Variants in TMTC2 observed in about 807,000 individuals in gnomAD.
TMTC2 encodes transmembrane O-mannosyltransferase targeting cadherins 2.
Under a neutral mutation model 82.4 loss-of-function variants are expected in TMTC2, and 43 were observed. The ratio of observed to expected loss-of-function variants is 0.52; its 90% confidence interval spans 0.41 to 0.67. The LOEUF (loss-of-function observed/expected upper bound fraction) is 0.67. Ranked by LOEUF, TMTC2 falls within the 30% of genes least tolerant of loss-of-function variation. The pLI is 0.00. For synonymous variants in TMTC2, 408 were observed against 381.9 expected (o/e 1.07, Z -0.80); for missense variants, 919 against 1,012.4 (o/e 0.91, Z 1.25).
chr12:83,083,810 A>G (rs2137508155), intron 11 of TMTC2, among the ~76,000 whole-genome samples: 1 of 152,338 alleles, frequency 6.6e-6, no homozygotes, highest in African/African-American at 2.4e-5. Flanking sequence ...GCTCAGCACA[A>G]GACAGCAGTC....
intron 11 of TMTC2, among the ~76,000 whole-genome samples, chr12:83,091,070 G>A (rs942572934): frequency 3.3e-5 from 5 of 152,044 alleles, no homozygotes; most frequent in African/African-American, 1.2e-4. Flanking sequence ...CTGTCTAAAC[G>A]TGCTTTGTTC....
At chr12:82,846,654 C>G (rs1399982500) in intron 1 of TMTC2, among the ~76,000 whole-genome samples, 1 of 152,068 alleles carries the variant, frequency 6.6e-6, no homozygotes, top group Middle Eastern at 3.2e-3. Flanking sequence ...AAGAATATTC[C>G]TGTAGTTGGA....
intron 8 of TMTC2, among the ~76,000 whole-genome samples, chr12:83,003,599 T>C (rs1308765210): frequency 6.6e-6 from 1 of 152,182 alleles, no homozygotes; most frequent in Non-Finnish European, 1.5e-5. Flanking sequence ...CCTCTTTTAA[T>C]GCTGGTCTAG....
chr12:82,705,702 A>G (rs1331904550), intron 1 of TMTC2, among the ~76,000 whole-genome samples: 1 of 152,168 alleles, frequency 6.6e-6, no homozygotes, highest in African/African-American at 2.4e-5. Context: ...AGAAAGCATC[A>G]GTGTGGGATG....
At chr12:82,981,134 A>T (rs905970027) in intron 7 of TMTC2, among the ~76,000 whole-genome samples, 2 of 151,884 alleles carry the variant, frequency 1.3e-5, no homozygotes, top group African/African-American at 4.8e-5. Flanking sequence ...GCATTTAACA[A>T]TTACTGTAGG....
At chr12:83,000,261 A>T (rs1879858810) in intron 8 of TMTC2, among the ~76,000 whole-genome samples, 1 of 152,106 alleles carries the variant, frequency 6.6e-6, no homozygotes, top group Non-Finnish European at 1.5e-5. Context: ...CAGCCTCCCA[A>T]GTAGCTGGGA....
intron 3 of TMTC2, among the ~76,000 whole-genome samples, chr12:82,901,515 G>A (rs1003112455): frequency 1.3e-5 from 2 of 151,280 alleles, no homozygotes; most frequent in Admixed American, 6.6e-5. Context: ...TCTTGGCCAG[G>A]TTGGTCTCAA....
chr12:82,743,233 G>C (rs979702754), intron 1 of TMTC2, among the ~76,000 whole-genome samples: 1 of 152,122 alleles, frequency 6.6e-6, no homozygotes, highest in Non-Finnish European at 1.5e-5. Context: ...ACGAGGTCAG[G>C]AGTTCAAGAC....
intron 8 of TMTC2, among the ~76,000 whole-genome samples, chr12:82,999,813 G>T (rs911746883): frequency 4.6e-5 from 7 of 152,124 alleles, no homozygotes; most frequent in African/African-American, 1.7e-4. Flanking sequence ...TTTGGATGGG[G>T]ACACAGAGCC....
chr12:82,803,342 A>T (rs1463846585), intron 1 of TMTC2, among the ~76,000 whole-genome samples: 1 of 152,126 alleles, frequency 6.6e-6, no homozygotes, highest in Non-Finnish European at 1.5e-5. Context: ...TCCACCCACC[A>T]GGAATATCAG....
At chr12:83,005,461 C>T (rs1880157602) in intron 8 of TMTC2, among the ~76,000 whole-genome samples, 1 of 152,060 alleles carries the variant, frequency 6.6e-6, no homozygotes, top group South Asian at 2.1e-4. Flanking sequence ...ACCCCCTTAT[C>T]ATATACGTTA....
intron 8 of TMTC2, among the ~76,000 whole-genome samples, chr12:82,994,849 A>G (rs1485479314): frequency 6.6e-6 from 1 of 152,170 alleles, no homozygotes; most frequent in African/African-American, 2.4e-5. Flanking sequence ...AGAAAGCACA[A>G]TTATGTAGGT....
intron 8 of TMTC2, among the ~76,000 whole-genome samples, chr12:83,008,751 C>G (rs1001525887): frequency 3.3e-5 from 5 of 152,102 alleles, no homozygotes; most frequent in African/African-American, 1.2e-4. Flanking sequence ...AATACGCAGC[C>G]TCTAATGTGA....
chr12:82,977,504 A>G lies in TMTC2; in HGVS notation c.1949-8421A>G, dbSNP rs983518462. 2.8e-4 allele frequency among the ~76,000 whole-genome samples: 42 copies of G among 151,890 alleles called. 1 individual carries two copies. Among genetic ancestry groups the G allele is most frequent in the Non-Finnish European group, 7.4e-5 (5 of 67,796 alleles). ...ATATTGGTCAGGGAAGGAAATTTGT[A>G]TAATAGTTGATCTAGACAATTGAGT... On this transcript the variant is annotated intron_variant, in intron 7 of 11. Transcript: ENST00000321196.
chr12:82,864,541 C>T (rs1265063914), intron 2 of TMTC2, among the ~76,000 whole-genome samples: 4 of 127,656 alleles, frequency 3.1e-5, no homozygotes, highest in Admixed American at 9.7e-5. Context: ...CTCTGTCTGT[C>T]GCCACGCTGG....
chr12:83,123,825 G>T (rs910036018), intron 11 of TMTC2, among the ~76,000 whole-genome samples: 2 of 152,088 alleles, frequency 1.3e-5, no homozygotes, highest in African/African-American at 4.8e-5. Flanking sequence ...CTCATTCTGG[G>T]AGTCTAAGAG....
intron 11 of TMTC2, among the ~76,000 whole-genome samples, chr12:83,117,748 A>G (rs191104560): frequency 3.3e-5 from 5 of 152,194 alleles, no homozygotes; most frequent in Non-Finnish European, 5.9e-5. Flanking sequence ...TTTTGTCAGT[A>G]TGGTCATTTT....
intron 2 of TMTC2, among the ~76,000 whole-genome samples, chr12:82,891,933 G>A (rs1052326264): frequency 2.0e-5 from 3 of 152,026 alleles, no homozygotes; most frequent in Non-Finnish European, 4.4e-5. Context: ...AAATACACAC[G>A]CACACACCTG....
intron 7 of TMTC2, among the ~76,000 whole-genome samples, chr12:82,984,226 T>G (rs1218833871): frequency 6.6e-6 from 1 of 152,070 alleles, no homozygotes; most frequent in Non-Finnish European, 1.5e-5. Flanking sequence ...GGGAAAAAAA[T>G]CAAACATTTT....
Sources: allele counts gnomAD v4.1 joint callset (sites outside exome capture counted in the v4.1 genomes callset), GRCh38; gene constraint gnomAD v4.1.1; transcripts MANE v1.5; gene names NCBI Gene and HGNC (gene_info 2026-07-23, HGNC 2026-07-21).